The following CMTM6 variants were observed in gnomAD, a reference collection of about 807,000 sequenced individuals.
CMTM6 encodes CKLF like MARVEL transmembrane domain containing 6.
CMTM6 carries 5 observed loss-of-function variants against 13.6 expected under a neutral mutation model. The ratio of observed to expected loss-of-function variants is 0.37; its 90% CI spans 0.19 to 0.77. CMTM6 has a LOEUF of 0.77. Among genes scored for constraint, CMTM6 ranks in the 30% least tolerant of loss-of-function variants. CMTM6 has a pLI of 0.50. For missense variants in CMTM6, 196 were observed against 218.6 expected (o/e 0.90, Z 0.65); for synonymous variants, 99 against 84.5 (o/e 1.17, Z -0.94).
chr3:32,492,956 G>C (rs1367680905), intron 1 of CMTM6, among the ~76,000 whole-genome samples: 2 of 152,186 alleles, frequency 1.3e-5, no homozygotes, highest in Non-Finnish European at 1.5e-5. Flanking sequence ...TTGAGAAACA[G>C]AGTTCAGAAT....
chr3:32,499,514 T>C (rs1559426178), intron 1 of CMTM6, among the ~76,000 whole-genome samples: 1 of 152,162 alleles, frequency 6.6e-6, no homozygotes, highest in Non-Finnish European at 1.5e-5. Flanking sequence ...AGCAAGCAAT[T>C]AGGTTACCAA....
At chr3:32,502,117 C>T (rs1360840417) in intron 1 of CMTM6, among the ~76,000 whole-genome samples, 1 of 152,260 alleles carries the variant, frequency 6.6e-6, no homozygotes, top group Admixed American at 6.5e-5. Flanking sequence ...CACACATACA[C>T]ACACATCTCA....
At chr3:32,495,803 T>G (rs1178968299) in intron 1 of CMTM6, among the ~76,000 whole-genome samples, 4 of 152,222 alleles carry the variant, frequency 2.6e-5, no homozygotes, top group African/African-American at 9.6e-5. Context: ...ACAGGTGGCA[T>G]TCCTACTGAC....
At chr3:32,497,281 A>G (rs1450299395) in intron 1 of CMTM6, among the ~76,000 whole-genome samples, 1 of 149,322 alleles carries the variant, frequency 6.7e-6, no homozygotes, top group Non-Finnish European at 1.5e-5. Flanking sequence ...GCTACTCGGG[A>G]GGCTGAGGCA....
intron 1 of CMTM6, among the ~76,000 whole-genome samples, chr3:32,499,254 T>G (rs1366033600): frequency 1.3e-5 from 2 of 152,208 alleles, no homozygotes; most frequent in African/African-American, 4.8e-5. Flanking sequence ...GTTTTCATAT[T>G]TAAATAATGA....
intron 2 of CMTM6, among the ~76,000 whole-genome samples, chr3:32,490,021 G>A (rs1411701471): frequency 2.6e-5 from 4 of 152,114 alleles, no homozygotes; most frequent in Non-Finnish European, 4.4e-5. Context: ...CGAGGTGGGC[G>A]GATCACCTGA....
In CMTM6 at chr3:32,483,979, G is replaced by A; in HGVS notation, c.533C>T (p.Thr178Ile). The A allele has an allele frequency of 6.2e-7, 1 of 1,607,742 alleles. No individual in the cohort carries two copies. Among genetic ancestry groups the A allele is most frequent in the Non-Finnish European group, 8.5e-7 (1 of 1,177,942 alleles). ...GAGTCTTTAGGCATTAAGTGGCTCAGTGAGGGCTTCAGCCCTAGTGGTATT... is the reference window on the plus strand; with the variant it reads ...GAGTCTTTAGGCATTAAGTGGCTCAATGAGGGCTTCAGCCCTAGTGGTATT... Reference protein sequence around the residue: ...PENTTRAEALTEPLNA With the variant: ...PENTTRAEALIEPLNA The change falls in exon 4 of 4, where the codon ACT becomes ATT. Residue 178 changes from threonine to isoleucine, a missense_variant. Physicochemically the swap from Thr to Ile is moderately conservative, Grantham distance 89. Coordinates refer to ENST00000205636, the MANE Select transcript of CMTM6 (RefSeq NM_017801.3).
In CMTM6 at chr3:32,491,838, T is replaced by C. The variant is rs375093535; in HGVS notation, c.187A>G (p.Thr63Ala). ...AAAAAATAAAGTCCTCCACATAAAG[T>C]ACATTGTGATACAACTTCTTCACAG... ...FICEEVVSQC[T>A]LCGGLYFFEF... Residue 63 changes from threonine (T) to alanine (A), a missense_variant, in exon 2 of 4, where the codon ACT (threonine) becomes GCT (alanine). Transcript: ENST00000205636. 1.2e-5 allele frequency: 19 copies of C among 1,613,068 alleles called. No homozygotes were observed. The African/African-American group carries it at 1.5e-4, about 12-fold the overall frequency.
chr3:32,483,152 C>T lies in CMTM6; in HGVS notation c.*808G>A, dbSNP rs1211012630. Reference sequence around the variant, plus strand: ...CAAAGCTTGTTTTTATAATTACTTTCACTGTCTTGGGCAAAAAGTCTTTCT... The same window carrying T: ...CAAAGCTTGTTTTTATAATTACTTTTACTGTCTTGGGCAAAAAGTCTTTCT... On this transcript the variant is annotated 3_prime_UTR_variant, in exon 4 of 4. Coordinates refer to ENST00000205636, the MANE Select transcript of CMTM6 (RefSeq NM_017801.3). 1 of 152,610 alleles carries T rather than the reference C, an allele frequency of 6.6e-6. No homozygotes were observed. Among genetic ancestry groups the T allele is most frequent in the Non-Finnish European group, 1.5e-5 (1 of 68,016 alleles). 9.5% of individuals were successfully genotyped at this position (152,610 alleles called of 1,614,324 possible).
intron 3 of CMTM6, among the ~76,000 whole-genome samples, chr3:32,485,407 T>C (rs915596485): frequency 6.6e-6 from 1 of 152,126 alleles, no homozygotes; most frequent in Admixed American, 6.5e-5. Flanking sequence ...TATAAAAATT[T>C]TTTTTATAGC....
chr3:32,491,692 A>G lies in CMTM6; in HGVS notation c.315+18T>C, dbSNP rs764357187. On this transcript the variant is annotated intron_variant, in intron 2 of 3. Coordinates refer to ENST00000205636, the MANE Select transcript of CMTM6 (RefSeq NM_017801.3). ...CAAAACAGCTATTAATACAGGGATG[A>G]TATTTTCTCATGCTTACCGATGATT... 14 of 1,574,688 alleles carry G rather than the reference A, an allele frequency of 8.9e-6. No individual in the cohort carries two copies. Among genetic ancestry groups the G allele is most frequent in the Admixed American group, 3.8e-5 (2 of 52,924 alleles).
rs924080606 is a variant in CMTM6, at chr3:32,483,474, T to C, written c.*486A>G. The stretch of plus-strand genomic sequence containing the variant: ...AAAACCTAGACCAACATTTTAAATA[T>C]TGGTTTCTTAAATATGTTAAATTCC... On this transcript the variant is annotated 3_prime_UTR_variant, in exon 4 of 4. Transcript: ENST00000205636. 5.9e-5 allele frequency: 9 copies of C among 152,284 alleles called. No individual in the cohort carries two copies. Among genetic ancestry groups the C allele is most frequent in the African/African-American group, 2.2e-4 (9 of 41,448 alleles). 9.4% of individuals were successfully genotyped at this position (152,284 alleles called of 1,614,324 possible).
intron 1 of CMTM6, among the ~76,000 whole-genome samples, chr3:32,493,336 C>T (rs73068784): frequency 0.055 from 8,331 of 152,238 alleles, 265 homozygotes; most frequent in Non-Finnish European, 0.071. Context: ...CTCAATTACA[C>T]GCAAGTGGGT....
rs1697251606 is a variant in CMTM6 at position 32,491,738 on chromosome 3, C to G, written c.287G>C (p.Arg96Thr). 1 of 1,602,394 alleles carries G rather than the reference C, an allele frequency of 6.2e-7. No homozygotes were observed. Among genetic ancestry groups the G allele is most frequent in the Non-Finnish European group, 8.5e-7 (1 of 1,175,274 alleles). ...TGATTTTACTTTTGTGGTATCAACT[C>G]TCTCATAAAATGGAGTGCAATACAC... ...LIVYCTPFYE[R>T]VDTTKVKSSD... is the part of the protein sequence containing the mutation. The change falls in exon 2 of 4, where the codon AGA becomes ACA. Residue 96 changes from arginine (R) to threonine (T), a missense_variant. Around this residue, in one of 2 missense-constraint regions of CMTM6, gnomAD observed 111 missense variants for 160.0 expected, o/e 0.69. Transcript: ENST00000205636.
At chr3:32,490,680 C>G (rs1433194441) in intron 2 of CMTM6, among the ~76,000 whole-genome samples, 1 of 151,944 alleles carries the variant, frequency 6.6e-6, no homozygotes, top group African/African-American at 2.4e-5. Context: ...ATTATAATAC[C>G]ATTTCTTGTC....
rs11426299 is a variant in CMTM6, at chr3:32,496,198, C to CAA, written c.139-4314_139-4313dup. Reference sequence around the variant, plus strand: ...CCTGGGTGACAAAGCGAGACTATCTCAAAAAAAAAAAAAAAAAAAGTGTGG... The same window carrying CAA: ...CCTGGGTGACAAAGCGAGACTATCTCAAAAAAAAAAAAAAAAAAAAAGTGTGG... On this transcript the variant is annotated intron_variant, in intron 1 of 3. Coordinates refer to ENST00000205636, the MANE Select transcript of CMTM6 (RefSeq NM_017801.3). 1.1e-3 allele frequency among the ~76,000 whole-genome samples: 86 copies of CAA among 78,024 alleles called. 1 individual carries two copies. Among genetic ancestry groups the CAA allele is most frequent in the Admixed American group, 3.2e-3 (22 of 6,870 alleles). 51.2% of individuals were successfully genotyped at this position (78,024 alleles called of 152,430 possible).
chr3:32,498,549 T>C (rs1258612527), intron 1 of CMTM6, among the ~76,000 whole-genome samples: 1 of 151,924 alleles, frequency 6.6e-6, no homozygotes, highest in Non-Finnish European at 1.5e-5. Flanking sequence ...AAACACTGGA[T>C]AATTACTATC....
At chr3:32,492,755 CA>C (rs1697259486) in intron 1 of CMTM6, among the ~76,000 whole-genome samples, 1 of 152,212 alleles carries the variant, frequency 6.6e-6, no homozygotes, top group South Asian at 2.1e-4. Context: ...ATATGGAACA[CA>C]AGATAACACA....
intron 2 of CMTM6, among the ~76,000 whole-genome samples, chr3:32,491,461 G>A (rs1052699423): frequency 3.9e-5 from 6 of 152,108 alleles, no homozygotes; most frequent in African/African-American, 1.2e-4. Context: ...AGTCTAATGT[G>A]AATTACATTA....
Sources: allele counts gnomAD v4.1 joint callset (sites outside exome capture counted in the v4.1 genomes callset), GRCh38; gene constraint gnomAD v4.1.1; regional missense constraint gnomAD v4.1.1; transcripts MANE v1.5; gene names NCBI Gene and HGNC (gene_info 2026-07-23, HGNC 2026-07-21).